Variants in TAPBP observed in about 807,000 individuals in gnomAD.
The protein encoded by TAPBP is TAP binding protein.
A neutral mutation model predicts 45.7 loss-of-function variants in TAPBP; 38 were observed. The observed-to-expected ratio is 0.83, with a 90% CI of 0.64 to 1.09. The LOEUF is 1.09. TAPBP is among the 50% of genes least tolerant of loss of function. The pLI, the probability that TAPBP is intolerant of heterozygous loss-of-function variation, is 0.00. For synonymous variants in TAPBP, 226 were observed against 254.8 expected (o/e 0.89, Z 1.08); for missense variants, 513 against 587.3 (o/e 0.87, Z 1.31).
chr6:33,308,687 C>T (rs554870453), intron 3 of TAPBP, among the ~76,000 whole-genome samples: 7 of 152,282 alleles, frequency 4.6e-5, no homozygotes, highest in African/African-American at 1.4e-4. Flanking sequence ...GGAATACAGC[C>T]CGACACAAAT....
At position 33,313,480 on chromosome 6, in the gene TAPBP, G is replaced by T; in HGVS notation, c.209-3C>A. ...AGCCTGGAGGGCGCCCGCGGGGTCT[G>T]AGTGTAGAGAAGGAAGTTGCAGCTG... On this transcript the variant is annotated splice_region_variant and splice_polypyrimidine_tract_variant and intron_variant, in intron 2 of 7. Transcript: ENST00000434618. The surrounding 1 kb of genome is among the most constrained non-coding windows in gnomAD (Gnocchi z 7.2). 1 of 1,557,444 alleles carries T rather than the reference G, an allele frequency of 6.4e-7. No individual in the cohort carries two copies. The highest frequency in any genetic ancestry group is 1.2e-5 in the South Asian group (1 of 85,150).
rs553927768 is a variant in TAPBP at position 33,314,035 on chromosome 6, A to T, written c.7T>A (p.Ser3Thr). 65 of 1,613,854 alleles carry T rather than the reference A, an allele frequency of 4.0e-5. No individual in the cohort carries two copies. The Admixed American group carries it at 1.1e-3, about 26-fold the overall frequency. MK[S>T]LSLLLAVALG... ...GCCACAGCGAGGAGCAGAGACAGGG[A>T]CTTCATGGCGCTGCGACCTCCTCAG... is the stretch of plus-strand genomic sequence containing the variant. Residue 3 changes from serine (S) to threonine (T), a missense_variant, in exon 1 of 8, where the codon TCC (serine) becomes ACC (threonine). Transcript: ENST00000434618.
intron 3 of TAPBP, among the ~76,000 whole-genome samples, chr6:33,308,968 C>T (rs750627831): frequency 6.6e-6 from 1 of 152,018 alleles, no homozygotes; most frequent in Non-Finnish European, 1.5e-5. Context: ...TCTTTTTAAT[C>T]CTAGCTTCTG....
Position 33,313,708 on chromosome 6 carries a change from T to TAG in TAPBP, c.192_193dup (p.Tyr65SerfsTer30). The TAG allele has an allele frequency of 6.2e-7, 1 of 1,612,944 alleles. No homozygotes were observed. Among genetic ancestry groups the TAG allele is most frequent in the Non-Finnish European group, 8.5e-7 (1 of 1,179,798 alleles). ...TAGAGACTCACCGTGTACACTGAGA[T>TAG]AGAGCTCAGGGTCGAGGTCCGGCCG... On this transcript the variant is annotated frameshift_variant, in exon 2 of 8. Coordinates refer to ENST00000434618, the MANE Select transcript of TAPBP (RefSeq NM_003190.5). LOFTEE classifies it high-confidence loss of function. This position sits in a 1 kb window ranked among gnomAD's most constrained non-coding sequence, Gnocchi z 7.2.
chr6:33,304,719 T>C, intron 4 of TAPBP, 81 bp from the exon 5 acceptor site: 1 of 1,452,074 alleles, frequency 6.9e-7, no homozygotes, highest in Non-Finnish European at 9.2e-7. Context: ...GCCTGCTGGC[T>C]TCCTCAGAAC....
chr6:33,310,038 A>C (rs1014355059), intron 3 of TAPBP, among the ~76,000 whole-genome samples: 3 of 150,802 alleles, frequency 2.0e-5, no homozygotes, highest in African/African-American at 7.3e-5. Context: ...TTTAATTTTT[A>C]GTAGAGACAA....
chr6:33,304,008 A>C lies in TAPBP; in HGVS notation c.1301-19T>G. On this transcript the variant is annotated intron_variant, in intron 6 of 7. Transcript: ENST00000434618. Reference sequence around the variant, plus strand: ...TAGACAGCTGTGGGGAAAGATTGAGAAGGGATGGGATGCTGGAGTGGTAGA... The same window carrying C: ...TAGACAGCTGTGGGGAAAGATTGAGCAGGGATGGGATGCTGGAGTGGTAGA... 1 of 1,613,626 alleles carries C rather than the reference A, an allele frequency of 6.2e-7. No individual in the cohort carries two copies. The highest frequency in any genetic ancestry group is 8.5e-7 in the Non-Finnish European group (1 of 1,179,888).
rs1216410784 is a variant in TAPBP at position 33,303,627 on chromosome 6, ATTAAG to A, written c.1335+323_1335+327del. 3.4e-5 allele frequency: 34 copies of A among 990,216 alleles called. 1 individual carries two copies. Among genetic ancestry groups the A allele is most frequent in the Non-Finnish European group, 3.9e-5 (27 of 693,142 alleles). 61.3% of individuals were successfully genotyped at this position (990,216 alleles called of 1,614,324 possible). A position where few individuals can be genotyped will look rare whatever the true frequency, so the allele number is the denominator to read the frequency against. ...ATTATTAGATTAAATAAGGTATATT[ATTAAG>A]TTAATTTTACCTGTTTCTGCTTATT... On this transcript the variant is annotated intron_variant, in intron 7 of 7. Coordinates refer to ENST00000434618, the MANE Select transcript of TAPBP (RefSeq NM_003190.5).
chr6:33,305,421 G>A lies in TAPBP; in HGVS notation c.470-34C>T. On this transcript the variant is annotated intron_variant, in intron 3 of 7. Transcript: ENST00000434618. This position sits in a 1 kb window ranked among gnomAD's most constrained non-coding sequence, Gnocchi z 4.4. ...GACAGGGAGATGAGGGGTTGGGAGGGGCATGAGGGAGAGAAAGAAGGAGAA... is the reference window on the plus strand; with the variant it reads ...GACAGGGAGATGAGGGGTTGGGAGGAGCATGAGGGAGAGAAAGAAGGAGAA... The A allele has an allele frequency of 6.0e-6, 9 of 1,495,866 alleles. No homozygotes were observed. The highest frequency in any genetic ancestry group is 8.0e-6 in the Non-Finnish European group (9 of 1,123,678). 92.7% of individuals were successfully genotyped at this position (1,495,866 alleles called of 1,614,324 possible).
rs9280398 is a variant in TAPBP at position 33,307,394 on chromosome 6, CTTTTT to C, written c.470-2012_470-2008del. On this transcript the variant is annotated intron_variant, in intron 3 of 7. Coordinates refer to ENST00000434618, the MANE Select transcript of TAPBP (RefSeq NM_003190.5). ...CTGGGTTCAATTTCTAGCCCTGCTTCTTTTTTTTTTTTTTTTTTTTTTTTTTGAGA... is the reference window on the plus strand; with the variant it reads ...CTGGGTTCAATTTCTAGCCCTGCTTCTTTTTTTTTTTTTTTTTTTTTGAGA... Among the ~76,000 whole-genome samples, 796 of 88,722 alleles carry C rather than the reference CTTTTT, an allele frequency of 9.0e-3. 8 individuals carry two copies. The highest frequency in any genetic ancestry group is 0.021 in the South Asian group (46 of 2,204). 58.2% of individuals were successfully genotyped at this position (88,722 alleles called of 152,430 possible).
At chr6:33,304,072 T>C in intron 6 of TAPBP, 56 bp downstream of exon 6, 1 of 1,609,550 alleles carries the variant, frequency 6.2e-7, no homozygotes, top group Non-Finnish European at 8.5e-7. Flanking sequence ...CTCTTGGGAG[T>C]AGGTGGGGAA....
In TAPBP at chr6:33,313,736, G is replaced by A. The variant is rs1035320527; in HGVS notation, c.166C>T (p.Pro56Ser). 1.2e-6 allele frequency: 2 copies of A among 1,613,600 alleles called. No individual in the cohort carries two copies. Among genetic ancestry groups the A allele is most frequent in the African/African-American group, 2.7e-5 (2 of 75,048 alleles). ...LLRQGPGEPP[P>S]RPDLDPELYL... is the part of the protein sequence containing the mutation. ...AGCTCAGGGTCGAGGTCCGGCCGGG[G>A]CGGCGGTTCCCCCGGTCCCTGGCGC... is the stretch of plus-strand genomic sequence containing the variant. The change falls in exon 2 of 8, where the codon CCC becomes TCC. Residue 56 changes from proline (P) to serine (S), a missense_variant. Physicochemically the swap from Pro to Ser is moderately conservative, Grantham distance 74. Transcript: ENST00000434618. This position sits in a 1 kb window ranked among gnomAD's most constrained non-coding sequence, Gnocchi z 7.2.
At chr6:33,306,137 C>T (rs1768956716) in intron 3 of TAPBP, among the ~76,000 whole-genome samples, 2 of 152,196 alleles carry the variant, frequency 1.3e-5, no homozygotes, top group African/African-American at 4.8e-5. Flanking sequence ...AACAGAGACA[C>T]CTACCCATGA....
chr6:33,304,308 AG>A lies in TAPBP; in HGVS notation c.1198del (p.Leu400TrpfsTer3). ...CTCCCAGCTCTTACCTGCTACCTCC[AG>A]GGTGACCTCAGCGCTGCGCCCCGAG... ...PASGRSAEVTLEVAGLSGPSL... is the reference protein window; with the variant it reads ...PASGRSAEVTXEVAGLSGPSL... On this transcript the variant is annotated frameshift_variant, in exon 5 of 8. Transcript: ENST00000434618. LOFTEE classifies it high-confidence loss of function. The A allele has an allele frequency of 6.2e-7, 1 of 1,602,800 alleles. No homozygotes were observed. The highest frequency in any genetic ancestry group is 8.5e-7 in the Non-Finnish European group (1 of 1,173,274).
rs1768518276 is a variant in TAPBP, at chr6:33,300,883, G to C, written c.*877C>G. 1 of 149,296 alleles carries C rather than the reference G, an allele frequency of 6.7e-6. No homozygotes were observed. The highest frequency in any genetic ancestry group is 2.1e-4 in the South Asian group (1 of 4,746). 9.2% of individuals were successfully genotyped at this position (149,296 alleles called of 1,614,324 possible). On this transcript the variant is annotated 3_prime_UTR_variant, in exon 8 of 8. Coordinates refer to ENST00000434618, the MANE Select transcript of TAPBP (RefSeq NM_003190.5). ...TGGGAGGCTGAGGCAGGAGAATGGCGTGAACCCGAGAGGCGGAGCTTGCAG... is the reference window on the plus strand; with the variant it reads ...TGGGAGGCTGAGGCAGGAGAATGGCCTGAACCCGAGAGGCGGAGCTTGCAG...
At position 33,301,659 on chromosome 6, in the gene TAPBP, G is replaced by A. The variant is rs1367494738; in HGVS notation, c.*101C>T. 1.7e-5 allele frequency: 18 copies of A among 1,042,356 alleles called. No individual in the cohort carries two copies. Among genetic ancestry groups the A allele is most frequent in the Non-Finnish European group, 2.5e-5 (17 of 672,890 alleles). 64.6% of individuals were successfully genotyped at this position (1,042,356 alleles called of 1,614,324 possible). ...TCCAGCCACTCAGTGGAGAGAGATT[G>A]GAGGGATTAGGAGCAGATGATAGGG... On this transcript the variant is annotated 3_prime_UTR_variant, in exon 8 of 8. Coordinates refer to ENST00000434618, the MANE Select transcript of TAPBP (RefSeq NM_003190.5).
chr6:33,305,656 A>G lies in TAPBP; in HGVS notation c.470-269T>C, dbSNP rs1335876864. Among the ~76,000 whole-genome samples, 4 of 151,904 alleles carry G rather than the reference A, an allele frequency of 2.6e-5. No individual in the cohort carries two copies. The East Asian group carries it at 7.7e-4, about 29-fold the overall frequency. On this transcript the variant is annotated intron_variant, in intron 3 of 7. Transcript: ENST00000434618. This position sits in a 1 kb window ranked among gnomAD's most constrained non-coding sequence, Gnocchi z 4.4. Reference sequence around the variant, plus strand: ...TGAGGGGGTATGGCCTTTGAAGCCTACTCTGAACACATAGCACACTCTAGC... The same window carrying G: ...TGAGGGGGTATGGCCTTTGAAGCCTGCTCTGAACACATAGCACACTCTAGC...
chr6:33,313,633 G>A lies in TAPBP; in HGVS notation c.208+61C>T. On this transcript the variant is annotated intron_variant, in intron 2 of 7. Transcript: ENST00000434618. This position sits in a 1 kb window ranked among gnomAD's most constrained non-coding sequence, Gnocchi z 7.2. ...GCCTGAGGTCACTGCCGGATCTAAAGAGGAGGGGGTTTCGGTGGAGGCGAC... is the reference window on the plus strand; with the variant it reads ...GCCTGAGGTCACTGCCGGATCTAAAAAGGAGGGGGTTTCGGTGGAGGCGAC... 6.3e-7 allele frequency: 1 copy of A among 1,575,946 alleles called. No individual in the cohort carries two copies.
At position 33,301,617 on chromosome 6, in the gene TAPBP, G is replaced by GAAAA; in HGVS notation, c.*139_*142dup. On this transcript the variant is annotated 3_prime_UTR_variant, in exon 8 of 8. Transcript: ENST00000434618. Reference sequence around the variant, plus strand: ...AAAATTATCCCTTATATAAGTGAAAGAAAAAAAAAAAAGCATTCCAGCCAC... The same window carrying GAAAA: ...AAAATTATCCCTTATATAAGTGAAAGAAAAAAAAAAAAAAAAGCATTCCAGCCAC... The GAAAA allele has an allele frequency of 3.6e-6, 2 of 561,196 alleles. No individual in the cohort carries two copies. Among genetic ancestry groups the GAAAA allele is most frequent in the South Asian group, 2.3e-5 (1 of 44,016 alleles). The allele number at this position is 561,196 out of a possible 1,614,324, so 34.8% of individuals were successfully genotyped here. A position where few individuals can be genotyped will look rare whatever the true frequency, so the allele number is the denominator to read the frequency against.
Sources: allele counts gnomAD v4.1 joint callset (sites outside exome capture counted in the v4.1 genomes callset), GRCh38; gene constraint gnomAD v4.1.1; non-coding constraint Gnocchi (gnomAD v3.1); transcripts MANE v1.5; gene names NCBI Gene and HGNC (gene_info 2026-07-23, HGNC 2026-07-21).